RNF220: variants seen among roughly 807,000 people sequenced by gnomAD.
The protein encoded by RNF220 is E3 ubiquitin-protein ligase RNF220.
Under a neutral mutation model 67.1 loss-of-function variants are expected in RNF220, and 7 were observed. That is an observed-to-expected ratio of 0.10 (90% CI 0.06 to 0.20). The LOEUF (loss-of-function observed/expected upper bound fraction) is 0.20. RNF220 is among the 10% of genes least tolerant of loss of function. The pLI, the probability that RNF220 is intolerant of heterozygous loss-of-function variation, is 1.00. For missense variants in RNF220, 565 were observed against 740.3 expected (o/e 0.76, Z 2.75); for synonymous variants, 270 against 283.2 (o/e 0.95, Z 0.47).
intron 2 of RNF220, among the ~76,000 whole-genome samples, chr1:44,494,073 G>A (rs1025286661): frequency 1.3e-5 from 2 of 152,012 alleles, no homozygotes; most frequent in African/African-American, 4.8e-5. Flanking sequence ...GGGCATGGTG[G>A]CAGGTGCCTG....
intron 2 of RNF220, among the ~76,000 whole-genome samples, chr1:44,504,520 T>C (rs1658238219): frequency 6.6e-6 from 1 of 151,118 alleles, no homozygotes; most frequent in African/African-American, 2.4e-5. Flanking sequence ...CCTTTGAGAG[T>C]CCTCTTAGGG....
At chr1:44,553,323 A>G (rs1287743803) in intron 2 of RNF220, among the ~76,000 whole-genome samples, 14 of 152,130 alleles carry the variant, frequency 9.2e-5, no homozygotes, top group Admixed American at 3.9e-4. Flanking sequence ...GGTGACTAGC[A>G]TAGTATCTTG....
At chr1:44,569,497 TTTATA>T (rs1664276994) in intron 2 of RNF220, among the ~76,000 whole-genome samples, 1 of 152,236 alleles carries the variant, frequency 6.6e-6, no homozygotes, top group South Asian at 2.1e-4. Context: ...TCTTTTAGAC[TTTATA>T]TAATATATTC....
intron 5 of RNF220, among the ~76,000 whole-genome samples, chr1:44,628,856 T>C (rs909242058): frequency 1.3e-5 from 2 of 152,232 alleles, no homozygotes; most frequent in Non-Finnish European, 2.9e-5. Context: ...GGATTAGCTA[T>C]CTCTTGACCC....
intron 2 of RNF220, among the ~76,000 whole-genome samples, chr1:44,426,094 C>G (rs1649741958): frequency 1.3e-5 from 2 of 152,204 alleles, no homozygotes; most frequent in Non-Finnish European, 2.9e-5. Context: ...GGCTAAATCC[C>G]CACTGAAAGA....
chr1:44,583,271 T>C (rs1357968209), intron 2 of RNF220, among the ~76,000 whole-genome samples: 1 of 152,164 alleles, frequency 6.6e-6, no homozygotes, highest in East Asian at 1.9e-4. Flanking sequence ...GAAACATTTA[T>C]TGAGGCTCTA....
At chr1:44,520,578 C>T (rs897141542) in intron 2 of RNF220, among the ~76,000 whole-genome samples, 1 of 152,222 alleles carries the variant, frequency 6.6e-6, no homozygotes, top group African/African-American at 2.4e-5. Flanking sequence ...GCCTCCTCTG[C>T]TCAAAGAGTC....
chr1:44,631,948 C>T, intron 5 of RNF220: 1 of 990,714 alleles, frequency 1.0e-6, no homozygotes, highest in Non-Finnish European at 1.2e-6. Flanking sequence ...CAGCGCGCGA[C>T]GGCGGCAGAT....
chr1:44,579,612 T>A (rs1665085397), intron 2 of RNF220, among the ~76,000 whole-genome samples: 1 of 152,238 alleles, frequency 6.6e-6, no homozygotes. Flanking sequence ...TTCTGGACAC[T>A]CATCCGAGAC....
intron 2 of RNF220, among the ~76,000 whole-genome samples, chr1:44,447,417 C>T (rs1385978493): frequency 6.6e-6 from 1 of 152,214 alleles, no homozygotes; most frequent in African/African-American, 2.4e-5. Context: ...ATACATATCT[C>T]TGTTCTCCCC....
At chr1:44,527,592 ATTTT>A (rs1008239829) in intron 2 of RNF220, among the ~76,000 whole-genome samples, 12 of 149,380 alleles carry the variant, frequency 8.0e-5, no homozygotes, top group African/African-American at 2.9e-4. Flanking sequence ...ACCCTGTCTT[ATTTT>A]TTTTTTAAGT....
At chr1:44,641,999 T>C (rs1037474988) in intron 8 of RNF220, among the ~76,000 whole-genome samples, 7 of 152,252 alleles carry the variant, frequency 4.6e-5, no homozygotes, top group African/African-American at 1.4e-4. Context: ...ACCAGCTAAC[T>C]AGGACCTAAT....
intron 2 of RNF220, among the ~76,000 whole-genome samples, chr1:44,522,445 G>A (rs1350246461): frequency 6.6e-6 from 1 of 152,210 alleles, no homozygotes; most frequent in Non-Finnish European, 1.5e-5. Flanking sequence ...GCAGAACTCA[G>A]AGCATTTGAG....
chr1:44,579,047 T>A (rs1373224957), intron 2 of RNF220, among the ~76,000 whole-genome samples: 1 of 150,656 alleles, frequency 6.6e-6, no homozygotes, highest in African/African-American at 2.4e-5. Flanking sequence ...TCCCAGCTAC[T>A]CGGGAGGCTG....
intron 2 of RNF220, among the ~76,000 whole-genome samples, chr1:44,580,030 C>CAAAAAAAAAAAAAAAAAAA (rs61499825): frequency 2.0e-4 from 13 of 65,256 alleles, no homozygotes; most frequent in Admixed American, 2.2e-4. Context: ...CCCTGTCTCA[C>CAAAAAAAAAAAAAAAAAAA]AAAAAAAAAA....
chr1:44,632,969 CCCCTTTTGGATTCA>C (rs1406204055), intron 6 of RNF220: 1 of 153,680 alleles, frequency 6.5e-6, no homozygotes, highest in African/African-American at 2.4e-5. Context: ...CCTAGCAGCC[CCCCTTTTGGATTCA>C]AACCTCTGGA....
chr1:44,460,313 G>C (rs1653639264), intron 2 of RNF220, among the ~76,000 whole-genome samples: 1 of 152,182 alleles, frequency 6.6e-6, no homozygotes. Context: ...GAAGCCTGGG[G>C]TTCACTGAAG....
At chr1:44,577,994 CA>C (rs1664940471) in intron 2 of RNF220, among the ~76,000 whole-genome samples, 1 of 151,242 alleles carries the variant, frequency 6.6e-6, no homozygotes, top group African/African-American at 2.4e-5. Context: ...TTTGTAGAGA[CA>C]GGGCCTCACC....
chr1:44,493,316 C>A (rs185886860), intron 2 of RNF220, among the ~76,000 whole-genome samples: 1 of 152,224 alleles, frequency 6.6e-6, no homozygotes, highest in Admixed American at 6.5e-5. Flanking sequence ...GAGTTCGAGG[C>A]CAGCCTGGCC....
Sources: gnomAD v4.1 joint callset for allele counts (sites outside exome capture counted in the v4.1 genomes callset) on GRCh38, gnomAD v4.1.1 for gene constraint, MANE v1.5 for transcripts, NCBI Gene and HGNC (gene_info 2026-07-23, HGNC 2026-07-21) for gene names.